The following FAM32A variants were observed in gnomAD, a reference collection of about 807,000 sequenced individuals.
FAM32A encodes family with sequence similarity 32 member A.
FAM32A carries 9 observed loss-of-function variants against 15.8 expected under a neutral mutation model. The ratio of observed to expected loss-of-function variants is 0.57; its 90% CI spans 0.34 to 1.00. The LOEUF (loss-of-function observed/expected upper bound fraction) is 1.00. FAM32A is among the 50% of genes least tolerant of loss of function. The pLI is 0.02. For synonymous variants in FAM32A, 64 were observed against 54.9 expected (o/e 1.16, Z -0.73); for missense variants, 113 against 138.3 (o/e 0.82, Z 0.92).
At chr19:16,186,007 G>C (rs2091384597) in intron 2 of FAM32A, among the ~76,000 whole-genome samples, 1 of 152,242 alleles carries the variant, frequency 6.6e-6, no homozygotes, top group Admixed American at 6.5e-5. Flanking sequence ...GGCGTTGAAA[G>C]GAGGCCAGAG....
chr19:16,188,410 C>T (rs1429393433), intron 2 of FAM32A, among the ~76,000 whole-genome samples: 3 of 152,124 alleles, frequency 2.0e-5, no homozygotes, highest in Non-Finnish European at 4.4e-5. Flanking sequence ...GAGGGGGAAC[C>T]AAAGCTATAG....
Position 16,192,039 on chromosome 19 carries a change from T to G in FAM32A, c.*1084T>G, listed in dbSNP as rs2091409256. ...ATTACACAATAAAGCAAAAGTCAGT[T>G]ATTGTAAGTCTGAGTGTCTTCTTTT... On this transcript the variant is annotated 3_prime_UTR_variant, in exon 4 of 4. Coordinates refer to ENST00000263384, the MANE Select transcript of FAM32A (RefSeq NM_014077.4). 6.6e-6 allele frequency: 1 copy of G among 150,940 alleles called. No homozygotes were observed. The highest frequency in any genetic ancestry group is 2.4e-5 in the African/African-American group (1 of 41,342). The allele number at this position is 150,940 out of a possible 1,614,324, so 9.4% of individuals were successfully genotyped here.
In FAM32A at chr19:16,190,563, A is replaced by C; in HGVS notation, c.260A>C (p.Gln87Pro). The change falls in exon 3 of 4, where the codon CAG (glutamine) becomes CCG (proline). Residue 87 changes from glutamine (Q) to proline (P), a missense_variant. Gln to Pro is a moderately conservative substitution (Grantham distance 76, BLOSUM62 -1). This residue lies in a region of FAM32A where 112 missense variants were observed against 118.6 expected (regional missense o/e 0.94). Transcript: ENST00000263384. ...AAGAAGGCATCCAAAACCCACAAGC[A>C]GAGAGTGGAGGTGAGTCGCCGTGTC... ...ILKKASKTHK[Q>P]RVEDFNRHLD... The C allele has an allele frequency of 1.2e-6, 2 of 1,613,222 alleles. No individual in the cohort carries two copies. The highest frequency in any genetic ancestry group is 1.7e-6 in the Non-Finnish European group (2 of 1,179,404).
chr19:16,186,476 C>A (rs921605425), intron 2 of FAM32A: 1 of 152,120 alleles, frequency 6.6e-6, no homozygotes, highest in Non-Finnish European at 1.5e-5. Context: ...CCATGTTGGC[C>A]AGGCTGATCT....
chr19:16,189,694 T>TTTTTTGA (rs2091398732), intron 2 of FAM32A, among the ~76,000 whole-genome samples: 1 of 120,512 alleles, frequency 8.3e-6, no homozygotes, highest in Admixed American at 8.5e-5. Context: ...TTTTTTTTTT[T>TTTTTTGA]GACAGGGTCT....
chr19:16,190,217 G>C (rs73517800), intron 2 of FAM32A, among the ~76,000 whole-genome samples: 2,377 of 152,188 alleles, frequency 0.016, 62 homozygotes, highest in African/African-American at 0.055. Flanking sequence ...CTCCAAACTG[G>C]GAGTGCTAAC....
Position 16,185,612 on chromosome 19 carries a change from G to T in FAM32A, c.75-12G>T, listed in dbSNP as rs759658238. On this transcript the variant is annotated splice_polypyrimidine_tract_variant and intron_variant, in intron 1 of 3. Transcript: ENST00000263384. ...ATCCTCCGACCCGCCGCCTCCTCAT[G>T]TCTTTTTCCAGGAAGAAGAAAAAGA... 2 of 1,599,410 alleles carry T rather than the reference G, an allele frequency of 1.3e-6. No individual in the cohort carries two copies. The highest frequency in any genetic ancestry group is 8.5e-7 in the Non-Finnish European group (1 of 1,172,558).
rs764969415 is a variant in FAM32A, at chr19:16,190,480, T to C, written c.217-40T>C. ...CACCCCATGCCAGCCTGGGCTGTGTTGAGCCTGTAAACTCACCTCCATGTC... is the reference window on the plus strand; with the variant it reads ...CACCCCATGCCAGCCTGGGCTGTGTCGAGCCTGTAAACTCACCTCCATGTC... On this transcript the variant is annotated intron_variant, in intron 2 of 3. Transcript: ENST00000263384. 5.4e-6 allele frequency: 8 copies of C among 1,482,756 alleles called. No homozygotes were observed. In the South Asian group the frequency reaches 9.4e-5, roughly 17 times the overall value. The allele number at this position is 1,482,756 out of a possible 1,614,324, so 91.8% of individuals were successfully genotyped here.
At chr19:16,189,752 C>G (rs955437362) in intron 2 of FAM32A, among the ~76,000 whole-genome samples, 1 of 138,750 alleles carries the variant, frequency 7.2e-6, no homozygotes, top group Non-Finnish European at 1.5e-5. Flanking sequence ...TCATAGCTCA[C>G]TGCAGCCTCA....
At chr19:16,190,470 T>C in intron 2 of FAM32A, 50 bp from the exon 3 acceptor site, 2 of 1,364,244 alleles carry the variant, frequency 1.5e-6, no homozygotes, top group East Asian at 2.3e-5. Flanking sequence ...CATGCCAGCC[T>C]GGGCTGTGTT....
chr19:16,185,563 CT>C, intron 1 of FAM32A, 47 bp downstream of exon 1: 1 of 1,580,244 alleles, frequency 6.3e-7, no homozygotes, highest in Admixed American at 1.8e-5. Context: ...CCCCTTAGAC[CT>C]TTTCTCGGGA....
At chr19:16,189,825 A>G (rs2091399303) in intron 2 of FAM32A, among the ~76,000 whole-genome samples, 1 of 151,680 alleles carries the variant, frequency 6.6e-6, no homozygotes, top group African/African-American at 2.4e-5. Flanking sequence ...ACAGGTGTGC[A>G]CCACCAAAAT....
chr19:16,188,021 C>T (rs192829780), intron 2 of FAM32A, among the ~76,000 whole-genome samples: 1 of 152,364 alleles, frequency 6.6e-6, no homozygotes, highest in Non-Finnish European at 1.5e-5. Context: ...GCTGGGATTA[C>T]AGGCGTGAAC....
chr19:16,189,717 C>T (rs570840859), intron 2 of FAM32A, among the ~76,000 whole-genome samples: 2 of 125,594 alleles, frequency 1.6e-5, no homozygotes, highest in African/African-American at 5.9e-5. Flanking sequence ...CTCTCTGTCA[C>T]CCAGGCTGGA....
Position 16,191,196 on chromosome 19 carries a change from A to G in FAM32A, c.*241A>G. 1 of 501,764 alleles carries G rather than the reference A, an allele frequency of 2.0e-6. No homozygotes were observed. The highest frequency in any genetic ancestry group is 3.7e-6 in the Non-Finnish European group (1 of 273,888). 31.1% of individuals were successfully genotyped at this position (501,764 alleles called of 1,614,324 possible). ...GATACACCCTTTTCGTTTGGATGGAAAGTTTCTAAGTTTATCCAGAGGTAA... is the reference window on the plus strand; with the variant it reads ...GATACACCCTTTTCGTTTGGATGGAGAGTTTCTAAGTTTATCCAGAGGTAA... On this transcript the variant is annotated 3_prime_UTR_variant, in exon 4 of 4. Coordinates refer to ENST00000263384, the MANE Select transcript of FAM32A (RefSeq NM_014077.4).
chr19:16,191,190 G>A lies in FAM32A; in HGVS notation c.*235G>A. 3.9e-6 allele frequency: 2 copies of A among 519,392 alleles called. No homozygotes were observed. Among genetic ancestry groups the A allele is most frequent in the Non-Finnish European group, 7.0e-6 (2 of 285,384 alleles). The allele number at this position is 519,392 out of a possible 1,614,324, so 32.2% of individuals were successfully genotyped here. ...ACAGAAGATACACCCTTTTCGTTTG[G>A]ATGGAAAGTTTCTAAGTTTATCCAG... On this transcript the variant is annotated 3_prime_UTR_variant, in exon 4 of 4. Transcript: ENST00000263384.
intron 2 of FAM32A, among the ~76,000 whole-genome samples, chr19:16,187,813 T>C (rs2091391738): frequency 6.6e-6 from 1 of 150,682 alleles, no homozygotes; most frequent in African/African-American, 2.4e-5. Context: ...TGGTATGATC[T>C]CAGCTCACTG....
Position 16,185,670 on chromosome 19 carries a change from A to G in FAM32A, c.121A>G (p.Met41Val). ...AGACAAAGCGAAACTCCTGGAAGCA[A>G]TGGGAACGAGCAAAAAGAACGAGGA... ...DKDKAKLLEA[M>V]GTSKKNEEEK... Residue 41 changes from methionine to valine, a missense_variant, in exon 2 of 4, where the codon ATG becomes GTG. Met to Val is a conservative substitution (Grantham distance 21). Coordinates refer to ENST00000263384, the MANE Select transcript of FAM32A (RefSeq NM_014077.4). 1 of 1,588,822 alleles carries G rather than the reference A, an allele frequency of 6.3e-7. No homozygotes were observed. Among genetic ancestry groups the G allele is most frequent in the Non-Finnish European group, 8.6e-7 (1 of 1,166,676 alleles).
chr19:16,189,939 G>C (rs1010841994), intron 2 of FAM32A, among the ~76,000 whole-genome samples: 1 of 151,866 alleles, frequency 6.6e-6, no homozygotes, highest in South Asian at 2.1e-4. Context: ...AAAGTGCTGG[G>C]ATTACAGGCA....
Sources: gnomAD v4.1 joint callset for allele counts (sites outside exome capture counted in the v4.1 genomes callset) on GRCh38, gnomAD v4.1.1 for gene constraint, gnomAD v4.1.1 regional missense constraint, MANE v1.5 for transcripts, NCBI Gene and HGNC (gene_info 2026-07-23, HGNC 2026-07-21) for gene names.